Variants in CD300LG observed in about 807,000 individuals in gnomAD.
The protein encoded by CD300LG is CMRF35-like molecule 9.
A neutral mutation model predicts 31.5 loss-of-function variants in CD300LG; 29 were observed. That is an observed-to-expected ratio of 0.92 (90% CI 0.68 to 1.25). The LOEUF (loss-of-function observed/expected upper bound fraction) is 1.25, where lower values mean the gene tolerates loss of function less well. Among genes scored for constraint, CD300LG ranks in the 50% most tolerant of loss-of-function variants. The pLI is 0.00. For missense variants in CD300LG, 396 were observed against 417.6 expected, an observed-to-expected ratio of 0.95 and a Z score of 0.45; for synonymous variants, 175 against 177.2, an observed-to-expected ratio of 0.99 and a Z score of 0.10.
chr17:43,852,422 C>T (rs556368813), intron 2 of CD300LG, among the ~76,000 whole-genome samples: 6 of 152,242 alleles, frequency 3.9e-5, no homozygotes, highest in African/African-American at 1.4e-4. Context: ...CCGTGTTGGC[C>T]AGGCTGGTCT....
intron 6 of CD300LG, among the ~76,000 whole-genome samples, chr17:43,859,585 G>T (rs766737112): frequency 2.6e-5 from 4 of 152,186 alleles, no homozygotes; most frequent in Non-Finnish European, 4.4e-5. Context: ...AGCTGCTGGT[G>T]GTCCAGGGTC....
At chr17:43,850,708 A>C (rs1454969144) in intron 2 of CD300LG, among the ~76,000 whole-genome samples, 1 of 151,632 alleles carries the variant, frequency 6.6e-6, no homozygotes, top group Non-Finnish European at 1.5e-5. Flanking sequence ...AAACTTCTGG[A>C]CTCAAGCCAT....
chr17:43,853,657 C>T lies in CD300LG; in HGVS notation c.482-150C>T, dbSNP rs1002769862. The T allele has an allele frequency of 2.5e-5, 16 of 636,970 alleles. No individual in the cohort carries two copies. The African/African-American group carries it at 2.9e-4, about 12-fold the overall frequency. 39.5% of individuals were successfully genotyped at this position (636,970 alleles called of 1,614,324 possible). On this transcript the variant is annotated intron_variant, in intron 3 of 6. Transcript: ENST00000317310. ...TTCCTCAAAGTGGCTTCATCTAGAT[C>T]TGTTTGCTTACTGGGGTATCCTTTA... is the stretch of plus-strand genomic sequence containing the variant.
Position 43,848,688 on chromosome 17 carries a change from C to A in CD300LG, c.174C>A (p.Phe58Leu). The A allele has an allele frequency of 3.1e-6, 5 of 1,614,168 alleles. No homozygotes were observed. Among genetic ancestry groups the A allele is most frequent in the Non-Finnish European group, 4.2e-6 (5 of 1,180,036 alleles). Residue 58 changes from phenylalanine to leucine, a missense_variant, in exon 2 of 7, where the codon TTC becomes TTA. By Grantham distance (22) the Phe-to-Leu change is conservative. Transcript: ENST00000317310. ...GGTGCAGGAAGGGTGGGATCCTCTT[C>A]TCTCGCTGCTCTGGCACCATCTATG... Reference protein sequence around the residue: ...KYWCRKGGILFSRCSGTIYAE... With the variant: ...KYWCRKGGILLSRCSGTIYAE...
chr17:43,852,126 CTA>C (rs1479892670), intron 2 of CD300LG, among the ~76,000 whole-genome samples: 6 of 151,714 alleles, frequency 4.0e-5, no homozygotes, highest in Admixed American at 1.3e-4. Context: ...GAGGATGACT[CTA>C]TGGCTGGAGC....
rs2046679963 is a variant in CD300LG at position 43,863,142 on chromosome 17, C to T, written c.*1231C>T. Reference sequence around the variant, plus strand: ...CAAGTGATTCTTCTGCCTCAGCCTCCCGAGTAGCTGGGATTACAGGCACGC... The same window carrying T: ...CAAGTGATTCTTCTGCCTCAGCCTCTCGAGTAGCTGGGATTACAGGCACGC... On this transcript the variant is annotated 3_prime_UTR_variant, in exon 7 of 7. Transcript: ENST00000317310. 1 of 152,208 alleles carries T rather than the reference C, an allele frequency of 6.6e-6. No homozygotes were observed. Among genetic ancestry groups the T allele is most frequent in the Admixed American group, 6.5e-5 (1 of 15,270 alleles). 9.4% of individuals were successfully genotyped at this position (152,208 alleles called of 1,614,324 possible).
At chr17:43,851,282 C>T (rs1459100274) in intron 2 of CD300LG, among the ~76,000 whole-genome samples, 3 of 151,974 alleles carry the variant, frequency 2.0e-5, no homozygotes, top group African/African-American at 7.3e-5. Context: ...ATCCCTAATC[C>T]AAAAATGCAA....
chr17:43,853,050 C>G (rs2046407136), intron 3 of CD300LG, 37 bp downstream of exon 3: 2 of 1,558,492 alleles, frequency 1.3e-6, no homozygotes, highest in East Asian at 4.6e-5. Context: ...CCCTTGCCAC[C>G]CTTCTTACAG....
chr17:43,861,843 G>A lies in CD300LG; in HGVS notation c.931G>A (p.Val311Met), dbSNP rs144363642. ...EAPSQAPEGD[V>M]ISMPPLHTSE... The stretch of plus-strand genomic sequence containing the variant: ...CCCTTCCCAGGCCCCTGAGGGGGAC[G>A]TGATCTCGATGCCTCCCCTCCACAC... The change falls in exon 7 of 7, where the codon GTG becomes ATG. Residue 311 changes from valine to methionine, a missense_variant. Transcript: ENST00000317310. 5.6e-5 allele frequency: 91 copies of A among 1,612,396 alleles called. No individual in the cohort carries two copies. The Middle Eastern group carries it at 6.6e-4, about 12-fold the overall frequency.
chr17:43,857,750 C>T, intron 6 of CD300LG: 3 of 1,533,712 alleles, frequency 2.0e-6, no homozygotes, highest in Non-Finnish European at 2.6e-6. Context: ...AAACAGAGAA[C>T]AGGACCCAGA....
chr17:43,855,240 A>G lies in CD300LG; in HGVS notation c.753A>G (p.Pro251=). ...VSIPMVRILA[P]VLVLLSLLSA... is the part of the protein sequence containing the mutation. The stretch of plus-strand genomic sequence containing the variant: ...TCCCGATGGTCCGCATACTGGCCCC[A>G]GTCCTGGTGCTGCTGAGCCTTCTGT... Residue 251 remains proline, a synonymous_variant, in exon 5 of 7, where the codon CCA becomes CCG. Transcript: ENST00000317310. The G allele has an allele frequency of 6.2e-7, 1 of 1,610,338 alleles. No individual in the cohort carries two copies. Among genetic ancestry groups the G allele is most frequent in the South Asian group, 1.1e-5 (1 of 89,900 alleles).
At position 43,849,209 on chromosome 17, in the gene CD300LG, A is replaced by G. The variant is rs2046278619; in HGVS notation, c.379+316A>G. 5.9e-6 allele frequency: 3 copies of G among 506,070 alleles called. No homozygotes were observed. In the South Asian group the frequency reaches 1.2e-4, roughly 20 times the overall value. The allele number at this position is 506,070 out of a possible 1,614,324, so 31.3% of individuals were successfully genotyped here. A position where few individuals can be genotyped will look rare whatever the true frequency, so the allele number is the denominator to read the frequency against. The stretch of plus-strand genomic sequence containing the variant: ...AGGGAGATTTCCATAGGCTGGGTAC[A>G]AGATAGACATATCAGGGGATAAAGA... On this transcript the variant is annotated intron_variant, in intron 2 of 6. Transcript: ENST00000317310.
Position 43,857,435 on chromosome 17 carries a change from A to T in CD300LG, c.885+279A>T, listed in dbSNP as rs1266214322. The T allele has an allele frequency of 4.6e-6, 7 of 1,537,152 alleles. No individual in the cohort carries two copies. The South Asian group carries it at 8.3e-5, about 18-fold the overall frequency. On this transcript the variant is annotated intron_variant, in intron 6 of 6. Coordinates refer to ENST00000317310, the MANE Select transcript of CD300LG (RefSeq NM_145273.4). ...CAGGAGCCATGTGAGCATCTTCTCC[A>T]GGCGCCTTCTTTCCATCCCCCCTTT...
At chr17:43,854,179 G>C (rs1383116076) in intron 4 of CD300LG, 135 bp downstream of exon 4, 1 of 690,006 alleles carries the variant, frequency 1.4e-6, no homozygotes, top group Non-Finnish European at 2.4e-6. Context: ...GCAGCACAGA[G>C]AGTCCCTCAC....
chr17:43,861,637 G>A (rs2046655443), intron 6 of CD300LG, among the ~76,000 whole-genome samples, 161 bp from the exon 7 acceptor site: 1 of 152,190 alleles, frequency 6.6e-6, no homozygotes, highest in Non-Finnish European at 1.5e-5. Context: ...AAGCCTGGGA[G>A]TTCTGGGGAG....
At chr17:43,848,452 A>T in intron 1 of CD300LG, 106 bp from the exon 2 acceptor site, 1 of 911,308 alleles carries the variant, frequency 1.1e-6, no homozygotes, top group Non-Finnish European at 1.7e-6. Flanking sequence ...CCCAGAAGGG[A>T]TGACTGAGAA....
intron 5 of CD300LG, 31 bp downstream of exon 5, chr17:43,855,350 A>G: frequency 7.1e-7 from 1 of 1,399,144 alleles, no homozygotes; most frequent in Non-Finnish European, 9.6e-7. Flanking sequence ...GGAAGGCGGG[A>G]GGCTCACTGG....
At chr17:43,849,159 T>G in intron 2 of CD300LG, 1 of 551,274 alleles carries the variant, frequency 1.8e-6, no homozygotes, top group Non-Finnish European at 3.2e-6. Flanking sequence ...GCTCGGCGCC[T>G]TTCCTTTCTG....
chr17:43,854,285 T>A (rs2046448832), intron 4 of CD300LG, among the ~76,000 whole-genome samples: 1 of 152,176 alleles, frequency 6.6e-6, no homozygotes, highest in Non-Finnish European at 1.5e-5. Context: ...AGTCCTGACC[T>A]CTCTCCCTGC....
Sources: gnomAD v4.1 joint callset for allele counts (sites outside exome capture counted in the v4.1 genomes callset) on GRCh38, gnomAD v4.1.1 for gene constraint, MANE v1.5 for transcripts, NCBI Gene and HGNC (gene_info 2026-07-23, HGNC 2026-07-21) for gene names.